Variants in ANXA8 observed in about 807,000 individuals in gnomAD.
The protein encoded by ANXA8 is annexin A8, also known as VAC-beta.
Under a neutral mutation model 26.8 loss-of-function variants are expected in ANXA8, and 9 were observed. The ratio of observed to expected loss-of-function variants is 0.34; its 90% CI spans 0.20 to 0.59. ANXA8 has a LOEUF of 0.59. Among genes scored for constraint, ANXA8 ranks in the 20% least tolerant of loss-of-function variants. ANXA8 has a pLI of 0.84. For missense variants in ANXA8, 83 were observed against 238.5 expected, an observed-to-expected ratio of 0.35 and a Z score of 4.29; for synonymous variants, 39 against 94.8, an observed-to-expected ratio of 0.41 and a Z score of 3.42.
chr10:47,717,997 CAAAAAAA>C, the ANXA8 span, among the ~76,000 whole-genome samples: 1 of 55,490 alleles, frequency 1.8e-5, no homozygotes, highest in Non-Finnish European at 3.0e-5. Flanking sequence ...TACTCTGTCT[CAAAAAAA>C]AAAAAAAAAA....
At chr10:47,676,023 G>A in the ANXA8 span, among the ~76,000 whole-genome samples, 93 of 151,374 alleles carry the variant, frequency 6.1e-4, 2 homozygotes, top group East Asian at 9.1e-3. Context: ...AGGGAGGGGA[G>A]GGAAGGGAGA....
the ANXA8 span, among the ~76,000 whole-genome samples, chr10:47,694,121 G>A: frequency 1.6e-4 from 25 of 151,724 alleles, no homozygotes; most frequent in African/African-American, 6.1e-4. Context: ...TAACGACTAG[G>A]TAACATTCTC....
At chr10:47,547,323 A>T in the ANXA8 span, among the ~76,000 whole-genome samples, 11 of 142,460 alleles carry the variant, frequency 7.7e-5, 1 homozygote, top group Non-Finnish European at 1.2e-4. Context: ...ATACACCTTC[A>T]AGATATATTA....
the ANXA8 span, among the ~76,000 whole-genome samples, chr10:47,912,359 TG>T: frequency 6.8e-6 from 1 of 147,586 alleles, no homozygotes; most frequent in Non-Finnish European, 1.5e-5. Context: ...TTGGTCCCCC[TG>T]CATATACCCA....
At chr10:47,924,565 G>C in the ANXA8 span, among the ~76,000 whole-genome samples, 1 of 151,496 alleles carries the variant, frequency 6.6e-6, no homozygotes, top group South Asian at 2.1e-4. Flanking sequence ...GGGTGTTCAT[G>C]TGCTGGAGCC....
chr10:47,646,101 T>C, the ANXA8 span, among the ~76,000 whole-genome samples: 2 of 149,526 alleles, frequency 1.3e-5, no homozygotes, highest in African/African-American at 2.6e-5. Context: ...GTCATCTATA[T>C]CTGTATCATC....
At chr10:47,624,229 T>G in the ANXA8 span, among the ~76,000 whole-genome samples, 2 of 65,854 alleles carry the variant, frequency 3.0e-5, no homozygotes, top group South Asian at 5.5e-4. Context: ...GGAGACAGAG[T>G]GAGACTCCAT....
the ANXA8 span, among the ~76,000 whole-genome samples, chr10:47,626,102 A>G: frequency 7.3e-5 from 11 of 150,350 alleles, no homozygotes; most frequent in South Asian, 1.9e-3. Flanking sequence ...GGCAATGCAA[A>G]CTTATTGGAC....
the ANXA8 span, among the ~76,000 whole-genome samples, chr10:47,694,417 C>CTTTTTTTT: frequency 9.3e-6 from 1 of 107,960 alleles, no homozygotes; most frequent in African/African-American, 4.1e-5. Context: ...AGAAATCTTC[C>CTTTTTTTT]TTTTTTTTTT....
chr10:47,585,087 C>CAA, the ANXA8 span, among the ~76,000 whole-genome samples: 2 of 140,708 alleles, frequency 1.4e-5, no homozygotes, highest in East Asian at 2.1e-4. Flanking sequence ...GACTCTGTCT[C>CAA]AAAAAAAATA....
chr10:47,646,938 G>A, the ANXA8 span, among the ~76,000 whole-genome samples: 4 of 152,132 alleles, frequency 2.6e-5, no homozygotes, highest in Non-Finnish European at 5.9e-5. Flanking sequence ...TTAACAACCA[G>A]TTCACTGAGA....
At chr10:47,894,522 TATA>T in the ANXA8 span, among the ~76,000 whole-genome samples, 29 of 129,410 alleles carry the variant, frequency 2.2e-4, no homozygotes, top group Non-Finnish European at 4.2e-4. Flanking sequence ...ACACACACCA[TATA>T]CACCACACAC....
At chr10:47,694,431 T>G in the ANXA8 span, among the ~76,000 whole-genome samples, 1 of 146,062 alleles carries the variant, frequency 6.8e-6, no homozygotes, top group Non-Finnish European at 1.5e-5. Flanking sequence ...TTTTTTTTTT[T>G]TTTTTTTGAG....
the ANXA8 span, among the ~76,000 whole-genome samples, chr10:47,655,956 G>A: frequency 1.3e-5 from 2 of 152,032 alleles, no homozygotes; most frequent in Non-Finnish European, 2.9e-5. Context: ...GGAGGTGGAA[G>A]TTTCGGTGAG....
chr10:47,615,726 C>T, the ANXA8 span, among the ~76,000 whole-genome samples: 2 of 72,918 alleles, frequency 2.7e-5, 1 homozygote, highest in Non-Finnish European at 7.0e-5. Context: ...ATAAAGCACA[C>T]CATGCCCAGC....
chr10:47,771,569 GT>G, the ANXA8 span, among the ~76,000 whole-genome samples: 51 of 138,948 alleles, frequency 3.7e-4, no homozygotes, highest in Admixed American at 2.5e-3. Context: ...TCTATGGCAG[GT>G]TTTTTTTGTT....
At chr10:47,665,058 T>C in the ANXA8 span, among the ~76,000 whole-genome samples, 2 of 147,926 alleles carry the variant, frequency 1.4e-5, no homozygotes, top group Admixed American at 6.6e-5. Flanking sequence ...AAGATTATTG[T>C]CTGAATATTG....
chr10:47,949,658 G>A, the ANXA8 span, among the ~76,000 whole-genome samples: 1 of 150,512 alleles, frequency 6.6e-6, no homozygotes, highest in African/African-American at 2.5e-5. Flanking sequence ...TGGTTGTAAG[G>A]TCTTACATTG....
the ANXA8 span, among the ~76,000 whole-genome samples, chr10:47,627,121 A>G: frequency 6.7e-6 from 1 of 149,682 alleles, no homozygotes; most frequent in East Asian, 1.9e-4. Flanking sequence ...GTAAGTCACA[A>G]CAATATTGTC....
Sources: allele counts gnomAD v4.1 joint callset (sites outside exome capture counted in the v4.1 genomes callset), GRCh38; gene constraint gnomAD v4.1.1; transcripts MANE v1.5; gene names NCBI Gene and HGNC (gene_info 2026-07-23, HGNC 2026-07-21).